Variants in ROBO1 observed in about 807,000 individuals in gnomAD.
ROBO1 encodes roundabout homolog 1.
A neutral mutation model predicts 195.9 loss-of-function variants in ROBO1; 149 were observed. The observed-to-expected ratio is 0.76, with a 90% CI of 0.67 to 0.87. The LOEUF is 0.87. Ranked by LOEUF, ROBO1 falls within the 40% of genes least tolerant of loss-of-function variation. The probability of loss-of-function intolerance (pLI) is 0.00; values close to 1 mark genes in which losing one functional copy is unlikely to be tolerated. For synonymous variants in ROBO1, 816 were observed against 733.2 expected, an observed-to-expected ratio of 1.11 and a Z score of -1.82; for missense variants, 1,933 against 2,068.3, an observed-to-expected ratio of 0.93 and a Z score of 1.27.
At chr3:79,383,194 A>T (rs2036629099) in intron 2 of ROBO1, among the ~76,000 whole-genome samples, 1 of 152,144 alleles carries the variant, frequency 6.6e-6, no homozygotes, top group South Asian at 2.1e-4. Context: ...GATCAATGCC[A>T]CACAATGAAA....
At chr3:78,773,934 C>G (rs432599) in intron 4 of ROBO1, among the ~76,000 whole-genome samples, 8,304 of 152,248 alleles carry the variant, frequency 0.055, 302 homozygotes, top group Middle Eastern at 0.11. Context: ...TATCTTGGCT[C>G]TGTCACTGTT....
chr3:78,897,253 G>A (rs921638407), intron 4 of ROBO1, among the ~76,000 whole-genome samples: 1 of 152,144 alleles, frequency 6.6e-6, no homozygotes, highest in South Asian at 2.1e-4. Context: ...CACTCAATTA[G>A]TTCACAGGCT....
At chr3:79,473,364 G>A (rs1351744846) in intron 2 of ROBO1, among the ~76,000 whole-genome samples, 1 of 152,172 alleles carries the variant, frequency 6.6e-6, no homozygotes, top group East Asian at 1.9e-4. Flanking sequence ...CAGAGACTCC[G>A]GAGGGAACCA....
intron 4 of ROBO1, among the ~76,000 whole-genome samples, chr3:78,892,664 A>G (rs1456218168): frequency 6.6e-6 from 1 of 152,146 alleles, no homozygotes; most frequent in African/African-American, 2.4e-5. Context: ...ATCAGTTGGG[A>G]TAAAAGGCTG....
chr3:78,661,518 AT>A (rs1313186125), intron 15 of ROBO1, among the ~76,000 whole-genome samples: 7 of 152,208 alleles, frequency 4.6e-5, no homozygotes, highest in Admixed American at 1.3e-4. Context: ...AAATTCCACT[AT>A]CTTTTGATAA....
chr3:78,987,936 CTAAA>C (rs1333594077), intron 3 of ROBO1, among the ~76,000 whole-genome samples: 12 of 152,082 alleles, frequency 7.9e-5, no homozygotes, highest in Middle Eastern at 3.4e-3. Flanking sequence ...TATAAAGTTG[CTAAA>C]TAATTAGAAC....
At chr3:78,864,980 A>T (rs2035079741) in intron 4 of ROBO1, among the ~76,000 whole-genome samples, 1 of 152,080 alleles carries the variant, frequency 6.6e-6, no homozygotes, top group South Asian at 2.1e-4. Flanking sequence ...ACTTTTTTGT[A>T]TTTGGTGGCA....
chr3:79,114,427 T>C (rs1041497096), intron 3 of ROBO1, among the ~76,000 whole-genome samples: 9 of 152,204 alleles, frequency 5.9e-5, no homozygotes, highest in African/African-American at 2.2e-4. Flanking sequence ...TAGTAGCATA[T>C]ATTCACTATG....
intron 2 of ROBO1, among the ~76,000 whole-genome samples, chr3:79,321,641 G>C (rs577968459): frequency 2.9e-4 from 44 of 152,146 alleles, no homozygotes; most frequent in Admixed American, 3.3e-4. Flanking sequence ...AGCCTAGAAT[G>C]ATATGAACCC....
At chr3:79,613,262 T>C (rs949653118) in intron 1 of ROBO1, among the ~76,000 whole-genome samples, 1 of 152,048 alleles carries the variant, frequency 6.6e-6, no homozygotes, top group Non-Finnish European at 1.5e-5. Context: ...CATTGTTTTG[T>C]CTACTGGTTT....
At chr3:78,641,145 G>T (rs1705925030) in intron 21 of ROBO1, among the ~76,000 whole-genome samples, 2 of 152,080 alleles carry the variant, frequency 1.3e-5, no homozygotes, top group South Asian at 4.1e-4. Context: ...TTTAAACAGG[G>T]ATGAACTCAT....
rs934289230 is a variant in ROBO1 at position 79,177,924 on chromosome 3, T to C, written c.89-52385A>G. ...ATATCTTCAATTTCCTTTTCAGAAT[T>C]AAGATTCTTTTTGAGAAACATTTGT... On this transcript the variant is annotated intron_variant, in intron 2 of 30. Transcript: ENST00000464233. 6.2e-4 allele frequency among the ~76,000 whole-genome samples: 95 copies of C among 152,266 alleles called. 3 individuals carry two copies. Among genetic ancestry groups the C allele is most frequent in the Non-Finnish European group, 1.6e-4 (11 of 68,044 alleles).
At chr3:78,828,802 A>G (rs1422709003) in intron 4 of ROBO1, among the ~76,000 whole-genome samples, 1 of 152,210 alleles carries the variant, frequency 6.6e-6, no homozygotes, top group African/African-American at 2.4e-5. Context: ...TGTTCTTTCC[A>G]TGATTATAGG....
chr3:78,962,551 C>A (rs1482585065), intron 3 of ROBO1, among the ~76,000 whole-genome samples: 1 of 151,994 alleles, frequency 6.6e-6, no homozygotes, highest in Admixed American at 6.5e-5. Context: ...TTCGGCCGGG[C>A]GCGGTGGCTC....
intron 2 of ROBO1, among the ~76,000 whole-genome samples, chr3:79,503,462 C>T (rs977786466): frequency 6.6e-6 from 1 of 152,208 alleles, no homozygotes; most frequent in Non-Finnish European, 1.5e-5. Context: ...CAATTCCGGA[C>T]ACACAAGCAC....
intron 2 of ROBO1, among the ~76,000 whole-genome samples, chr3:79,334,439 C>T (rs2034584506): frequency 6.7e-6 from 1 of 149,580 alleles, no homozygotes; most frequent in Non-Finnish European, 1.5e-5. Flanking sequence ...TAATCATCTT[C>T]CTCAACTAAA....
intron 2 of ROBO1, among the ~76,000 whole-genome samples, chr3:79,408,676 T>C (rs1235258241): frequency 6.6e-6 from 1 of 152,116 alleles, no homozygotes; most frequent in Admixed American, 6.5e-5. Context: ...AGATGTTATA[T>C]CTTAAGCTGT....
intron 2 of ROBO1, among the ~76,000 whole-genome samples, chr3:79,399,372 G>A (rs907318757): frequency 4.1e-4 from 63 of 152,108 alleles, no homozygotes; most frequent in Middle Eastern, 3.4e-3. Flanking sequence ...ACTGACTTCT[G>A]AACAAGCTGA....
At chr3:79,107,106 T>TTCTCTCTC (rs1162609873) in intron 3 of ROBO1, among the ~76,000 whole-genome samples, 14 of 125,422 alleles carry the variant, frequency 1.1e-4, no homozygotes, top group African/African-American at 4.0e-4. Context: ...ACCTCTCTCT[T>TTCTCTCTC]TCTCTCTCTC....
Sources: gnomAD v4.1 joint callset for allele counts (sites outside exome capture counted in the v4.1 genomes callset) on GRCh38, gnomAD v4.1.1 for gene constraint, MANE v1.5 for transcripts, NCBI Gene and HGNC (gene_info 2026-07-23, HGNC 2026-07-21) for gene names.